The following LYRM1 variants were observed in gnomAD, a reference collection of about 807,000 sequenced individuals.
The protein encoded by LYRM1 is LYR motif-containing protein 1.
Under a neutral mutation model 14.9 loss-of-function variants are expected in LYRM1, and 14 were observed. The ratio of observed to expected loss-of-function variants is 0.94; its 90% confidence interval spans 0.62 to 1.47. LYRM1 has a LOEUF of 1.47. Ranked by LOEUF, LYRM1 falls within the 40% of genes most tolerant of loss-of-function variation. LYRM1 has a pLI of 0.00. For missense variants in LYRM1, 153 were observed against 149.9 expected (o/e 1.02, Z -0.11); for synonymous variants, 43 against 56.2 (o/e 0.77, Z 1.05).
intron 1 of LYRM1, among the ~76,000 whole-genome samples, chr16:20,912,005 A>G (rs1361627475): frequency 1.3e-5 from 2 of 150,186 alleles, no homozygotes; most frequent in East Asian, 2.0e-4. Context: ...TTGTAGTGCA[A>G]TCTCAGCTTA....
At chr16:20,923,794 C>T (rs1170646205) in intron 3 of LYRM1, among the ~76,000 whole-genome samples, 1 of 152,122 alleles carries the variant, frequency 6.6e-6, no homozygotes, top group African/African-American at 2.4e-5. Flanking sequence ...TTTTTAACTT[C>T]TCTGAGGTTT....
intron 2 of LYRM1, 132 bp downstream of exon 2, chr16:20,915,846 C>A: frequency 3.3e-6 from 3 of 918,332 alleles, no homozygotes; most frequent in Non-Finnish European, 4.8e-6. Context: ...CAGGAAGGGG[C>A]CAGTGCACAG....
chr16:20,901,681 A>T lies in LYRM1; in HGVS notation c.-1+792A>T, dbSNP rs1317164331. Among the ~76,000 whole-genome samples the T allele has an allele frequency of 1.3e-5, 2 of 152,244 alleles. No individual in the cohort carries two copies. The highest frequency in any genetic ancestry group is 2.9e-5 in the Non-Finnish European group (2 of 68,046). On this transcript the variant is annotated intron_variant, in intron 1 of 3. Transcript: ENST00000567954. This position sits in a 1 kb window ranked among gnomAD's most constrained non-coding sequence, Gnocchi z 4.6. ...TTAGCCCAAGGCAGGGGTTTGGCTA[A>T]TGTGTACCTTAAGGGTTTTAAGAAG...
At chr16:20,907,749 C>G (rs190094604) in intron 1 of LYRM1, among the ~76,000 whole-genome samples, 1 of 152,090 alleles carries the variant, frequency 6.6e-6, no homozygotes, top group Non-Finnish European at 1.5e-5. Context: ...TTACCTGGGT[C>G]CGTTATTAGG....
intron 1 of LYRM1, among the ~76,000 whole-genome samples, chr16:20,911,715 T>C (rs937322266): frequency 6.6e-6 from 1 of 152,064 alleles, no homozygotes; most frequent in African/African-American, 2.4e-5. Flanking sequence ...ATTTTAGATA[T>C]AGAAATGTAA....
At chr16:20,909,530 AG>A (rs1159155817) in intron 1 of LYRM1, among the ~76,000 whole-genome samples, 1 of 152,258 alleles carries the variant, frequency 6.6e-6, no homozygotes, top group African/African-American at 2.4e-5. Flanking sequence ...AGAAAATCCC[AG>A]CAGACCCCAT....
intron 1 of LYRM1, chr16:20,911,276 T>C (rs2082578436): frequency 1.3e-5 from 2 of 152,218 alleles, no homozygotes; most frequent in Admixed American, 1.3e-4. Context: ...TAAGTGCTCA[T>C]ATTGGAAAGA....
At chr16:20,914,530 G>T (rs996748523) in intron 1 of LYRM1, among the ~76,000 whole-genome samples, 3 of 149,554 alleles carry the variant, frequency 2.0e-5, no homozygotes, top group Non-Finnish European at 4.4e-5. Flanking sequence ...TTGAACTCCC[G>T]AGGTCAAGCA....
chr16:20,908,399 T>C (rs747882727), intron 1 of LYRM1, among the ~76,000 whole-genome samples: 1 of 152,226 alleles, frequency 6.6e-6, no homozygotes, highest in Non-Finnish European at 1.5e-5. Flanking sequence ...TCAACATTTA[T>C]TGAGATTGAA....
intron 1 of LYRM1, among the ~76,000 whole-genome samples, chr16:20,914,460 T>C (rs2082769222): frequency 6.7e-6 from 1 of 149,872 alleles, no homozygotes; most frequent in South Asian, 2.1e-4. Context: ...GGCTAATTTT[T>C]TTTTTTTTTT....
chr16:20,922,397 A>G (rs2083240804), intron 3 of LYRM1, among the ~76,000 whole-genome samples: 1 of 152,210 alleles, frequency 6.6e-6, no homozygotes, highest in Non-Finnish European at 1.5e-5. Context: ...ACATCTAGGG[A>G]CAGCTAGATG....
At chr16:20,908,111 C>T (rs1056653008) in intron 1 of LYRM1, among the ~76,000 whole-genome samples, 4 of 152,084 alleles carry the variant, frequency 2.6e-5, no homozygotes, top group Non-Finnish European at 5.9e-5. Context: ...TATGTTGGCT[C>T]CATTGGAGTC....
chr16:20,909,785 AC>A (rs1349521845), intron 1 of LYRM1, among the ~76,000 whole-genome samples: 1 of 152,262 alleles, frequency 6.6e-6, no homozygotes, highest in Admixed American at 6.5e-5. Context: ...TTCTAGAATC[AC>A]AAACTTTCTA....
At chr16:20,908,393 C>T (rs2082426399) in intron 1 of LYRM1, among the ~76,000 whole-genome samples, 5 of 152,186 alleles carry the variant, frequency 3.3e-5, no homozygotes, top group Admixed American at 2.6e-4. Flanking sequence ...AGACATTCAA[C>T]ATTTATTGAG....
At position 20,901,708 on chromosome 16, in the gene LYRM1, G is replaced by C. The variant is rs993112311; in HGVS notation, c.-1+819G>C. On this transcript the variant is annotated intron_variant, in intron 1 of 3. Transcript: ENST00000567954. This position sits in a 1 kb window ranked among gnomAD's most constrained non-coding sequence, Gnocchi z 4.6. ...GTGTACCTTAAGGGTTTTAAGAAGG[G>C]AAGTGACCTGACCTGATTTACATTT... Among the ~76,000 whole-genome samples the C allele has an allele frequency of 1.3e-5, 2 of 152,238 alleles. No individual in the cohort carries two copies. Among genetic ancestry groups the C allele is most frequent in the African/African-American group, 2.4e-5 (1 of 41,464 alleles).
chr16:20,917,109 C>T (rs1207728906), intron 2 of LYRM1, among the ~76,000 whole-genome samples: 1 of 151,708 alleles, frequency 6.6e-6, no homozygotes, highest in Admixed American at 6.6e-5. Flanking sequence ...GCAGCAACTT[C>T]CCCTTCTCTG....
chr16:20,910,378 CAG>C (rs1347375391), intron 1 of LYRM1, among the ~76,000 whole-genome samples: 3 of 152,184 alleles, frequency 2.0e-5, no homozygotes, highest in Non-Finnish European at 4.4e-5. Context: ...CCTGATGTTG[CAG>C]AGTGAGACAT....
intron 2 of LYRM1, among the ~76,000 whole-genome samples, chr16:20,917,557 T>C (rs1026028774): frequency 1.3e-5 from 2 of 152,028 alleles, no homozygotes; most frequent in African/African-American, 4.8e-5. Flanking sequence ...GTCAGAAGTT[T>C]AAGATGAGCC....
In LYRM1 at chr16:20,924,113, C is replaced by G. The variant is rs1326015738; in HGVS notation, c.366C>G (p.Ser122=). 2 of 1,553,394 alleles carry G rather than the reference C, an allele frequency of 1.3e-6. No individual in the cohort carries two copies. Among genetic ancestry groups the G allele is most frequent in the Non-Finnish European group, 1.8e-6 (2 of 1,130,186 alleles). ...ATCTCAGATCTCATGATGAAGTTTC[C>G]TAATCTAGAGGAAAGTTTATTTCTG... ...PVYLRSHDEV[S] Residue 122 remains serine (S), a synonymous_variant, in exon 4 of 4, where the codon TCC becomes TCG. Coordinates refer to ENST00000567954, the MANE Select transcript of LYRM1 (RefSeq NM_001128302.3).
Sources: gnomAD v4.1 joint callset for allele counts (sites outside exome capture counted in the v4.1 genomes callset) on GRCh38, gnomAD v4.1.1 for gene constraint, Gnocchi (gnomAD v3.1) non-coding constraint, MANE v1.5 for transcripts, NCBI Gene and HGNC (gene_info 2026-07-23, HGNC 2026-07-21) for gene names.